HERC1: variants seen among roughly 807,000 people sequenced by gnomAD.
The protein encoded by HERC1 is HECT and RLD domain containing E3 ubiquitin protein ligase family member 1, also known as probable E3 ubiquitin-protein ligase HERC1.
A neutral mutation model predicts 554.3 loss-of-function variants in HERC1; 160 were observed. The observed-to-expected ratio is 0.29, with a 90% CI of 0.25 to 0.33. HERC1 has a LOEUF of 0.33. Ranked by LOEUF, HERC1 falls within the 10% of genes least tolerant of loss-of-function variation. HERC1 has a pLI of 1.00. For synonymous variants in HERC1, 2,175 were observed against 2,131.7 expected, an observed-to-expected ratio of 1.02 and a Z score of -0.56; for missense variants, 4,919 against 5,918.5, an observed-to-expected ratio of 0.83 and a Z score of 5.54.
At chr15:63,684,298 A>G (rs2153011994) in intron 34 of HERC1, among the ~76,000 whole-genome samples, 1 of 152,358 alleles carries the variant, frequency 6.6e-6, no homozygotes, top group East Asian at 1.9e-4. Context: ...GCAGTTTACT[A>G]AATAAAACTG....
chr15:63,747,747 G>C lies in HERC1; in HGVS notation c.2331C>G (p.Pro777=), dbSNP rs1378130133. ...RYCDKINSEI[P]PLPFPSSREH... ...ACCTTGATGAAGGGAAAGGGAGTGG[G>C]GGAATCTCACTGTTTATTTTATCAC... Residue 777 remains proline (P), a synonymous_variant, in exon 11 of 78, where the codon CCC becomes CCG. Transcript: ENST00000443617. 1.3e-6 allele frequency: 2 copies of C among 1,549,656 alleles called. No homozygotes were observed. Among genetic ancestry groups the C allele is most frequent in the Non-Finnish European group, 1.7e-6 (2 of 1,145,474 alleles).
At chr15:63,820,401 T>C (rs1173242792) in intron 1 of HERC1, among the ~76,000 whole-genome samples, 1 of 152,182 alleles carries the variant, frequency 6.6e-6, no homozygotes, top group African/African-American at 2.4e-5. Flanking sequence ...TGATACTTCA[T>C]AAAAAAGATA....
chr15:63,781,147 T>C (rs1193360318), intron 1 of HERC1, among the ~76,000 whole-genome samples: 1 of 152,176 alleles, frequency 6.6e-6, no homozygotes, highest in African/African-American at 2.4e-5. Context: ...ACAAACAGTT[T>C]TATTTTACTA....
At chr15:63,730,728 G>A (rs182117598) in intron 14 of HERC1, among the ~76,000 whole-genome samples, 264 of 152,210 alleles carry the variant, frequency 1.7e-3, no homozygotes, top group African/African-American at 6.0e-3. Flanking sequence ...AATACTTAGC[G>A]GCAGCCAGCC....
At chr15:63,753,347 A>G (rs1305339578) in intron 7 of HERC1, among the ~76,000 whole-genome samples, 1 of 152,228 alleles carries the variant, frequency 6.6e-6, no homozygotes, top group East Asian at 1.9e-4. Context: ...AACATAGACA[A>G]TTATTTTTCT....
Position 63,618,855 on chromosome 15 carries a change from T to G in HERC1, c.13689-2173A>C, listed in dbSNP as rs371276055. On this transcript the variant is annotated intron_variant, in intron 74 of 77. Coordinates refer to ENST00000443617, the MANE Select transcript of HERC1 (RefSeq NM_003922.4). Reference sequence around the variant, plus strand: ...TTTGCACATTGATTTTGTATCCTGATACTTTGCTGAAGTTGCCTATCAGCT... The same window carrying G: ...TTTGCACATTGATTTTGTATCCTGAGACTTTGCTGAAGTTGCCTATCAGCT... 2.2e-3 allele frequency among the ~76,000 whole-genome samples: 328 copies of G among 152,360 alleles called. 10 individuals are homozygous for G. In the South Asian group the frequency reaches 0.063, roughly 29 times the overall value.
chr15:63,684,650 G>C (rs1187800055), intron 34 of HERC1, among the ~76,000 whole-genome samples: 2 of 152,276 alleles, frequency 1.3e-5, no homozygotes, highest in East Asian at 3.9e-4. Context: ...GGAGTCGGGA[G>C]GGCATTAATG....
At chr15:63,790,760 G>GA (rs1287046772) in intron 1 of HERC1, among the ~76,000 whole-genome samples, 1 of 150,586 alleles carries the variant, frequency 6.6e-6, no homozygotes, top group Non-Finnish European at 1.5e-5. Context: ...GCTGGCAGAA[G>GA]AAACACAGTA....
chr15:63,817,271 A>G (rs781690355), intron 1 of HERC1, among the ~76,000 whole-genome samples: 10 of 152,220 alleles, frequency 6.6e-5, no homozygotes, highest in Non-Finnish European at 1.3e-4. Flanking sequence ...AGCCTGATTC[A>G]TATTTGATAT....
intron 1 of HERC1, among the ~76,000 whole-genome samples, chr15:63,785,329 G>A (rs1380825216): frequency 6.6e-6 from 1 of 152,140 alleles, no homozygotes; most frequent in East Asian, 1.9e-4. Flanking sequence ...GCTTGGGTGG[G>A]AGGATCGCTT....
intron 68 of HERC1, 158 bp from the exon 69 acceptor site, chr15:63,630,793 C>T (rs955372830): frequency 5.4e-6 from 3 of 555,656 alleles, no homozygotes; most frequent in South Asian, 3.8e-5. Flanking sequence ...AGGTACACCA[C>T]GTTCTGAATA....
intron 40 of HERC1, 36 bp from the exon 41 acceptor site, chr15:63,666,508 T>C: frequency 3.1e-6 from 4 of 1,306,650 alleles, no homozygotes; most frequent in Non-Finnish European, 3.3e-6. Context: ...AACCTAAATA[T>C]CACTAGATAC....
At chr15:63,741,938 T>C (rs1212939782) in intron 12 of HERC1, among the ~76,000 whole-genome samples, 1 of 152,232 alleles carries the variant, frequency 6.6e-6, no homozygotes, top group Admixed American at 6.5e-5. Flanking sequence ...AACTTTCCTC[T>C]TCTTTTTCAA....
intron 26 of HERC1, 33 bp downstream of exon 26, chr15:63,698,695 A>G (rs1296721227): frequency 6.3e-7 from 1 of 1,582,502 alleles, no homozygotes; most frequent in Non-Finnish European, 8.6e-7. Flanking sequence ...AAGTTTCCAG[A>G]GCTCTCATAA....
chr15:63,691,755 T>C (rs1368099608), intron 31 of HERC1, among the ~76,000 whole-genome samples: 3 of 152,178 alleles, frequency 2.0e-5, no homozygotes, highest in Non-Finnish European at 4.4e-5. Context: ...TTGGCATACT[T>C]AGATTAGAGA....
intron 52 of HERC1, 33 bp downstream of exon 52, chr15:63,652,376 CTTATT>C: frequency 6.4e-7 from 1 of 1,556,906 alleles, no homozygotes; most frequent in Admixed American, 1.8e-5. Context: ...TTAGGATTCT[CTTATT>C]TTAAATGGTA....
chr15:63,712,492 T>C (rs1165115985), intron 24 of HERC1, among the ~76,000 whole-genome samples: 2 of 152,202 alleles, frequency 1.3e-5, no homozygotes, highest in Non-Finnish European at 2.9e-5. Context: ...CGAGTTCACT[T>C]GTAGATAGGT....
intron 57 of HERC1, among the ~76,000 whole-genome samples, chr15:63,643,927 T>G (rs924238371): frequency 6.6e-6 from 1 of 152,248 alleles, no homozygotes; most frequent in East Asian, 1.9e-4. Flanking sequence ...ATTTGTGAAC[T>G]GCACATGCTG....
chr15:63,789,647 A>C (rs970838811), intron 1 of HERC1, among the ~76,000 whole-genome samples: 1 of 151,314 alleles, frequency 6.6e-6, no homozygotes, highest in Non-Finnish European at 1.5e-5. Flanking sequence ...AAAATACAAA[A>C]ATTAGCTAGG....
Sources: allele counts gnomAD v4.1 joint callset (sites outside exome capture counted in the v4.1 genomes callset), GRCh38; gene constraint gnomAD v4.1.1; transcripts MANE v1.5; gene names NCBI Gene and HGNC (gene_info 2026-07-23, HGNC 2026-07-21).